The following SIDT1 variants were observed in gnomAD, a reference collection of about 807,000 sequenced individuals.
SIDT1 encodes SID1 transmembrane family, member 1.
SIDT1 carries 101 observed loss-of-function variants against 107.5 expected under a neutral mutation model. That is an observed-to-expected ratio of 0.94 (90% CI 0.80 to 1.11). The LOEUF is 1.11. Ranked by LOEUF, SIDT1 falls within the 50% of genes least tolerant of loss-of-function variation. The pLI is 0.00. For missense variants in SIDT1, 1,076 were observed against 1,058.2 expected, an observed-to-expected ratio of 1.02 and a Z score of -0.23; for synonymous variants, 395 against 398.2, an observed-to-expected ratio of 0.99 and a Z score of 0.10.
intron 3 of SIDT1, among the ~76,000 whole-genome samples, chr3:113,570,345 C>T (rs1004852601): frequency 6.6e-6 from 1 of 152,180 alleles, no homozygotes. Context: ...GAAGCCTTGC[C>T]TTTATCAACT....
At chr3:113,543,395 G>A (rs1227086513) in intron 1 of SIDT1, among the ~76,000 whole-genome samples, 1 of 152,100 alleles carries the variant, frequency 6.6e-6, no homozygotes, top group Non-Finnish European at 1.5e-5. Context: ...TCTTCTCACT[G>A]AGCACTTTTT....
intron 1 of SIDT1, among the ~76,000 whole-genome samples, chr3:113,559,014 G>C (rs1941167814): frequency 6.6e-6 from 1 of 152,114 alleles, no homozygotes; most frequent in South Asian, 2.1e-4. Flanking sequence ...CCACATTTCA[G>C]TTCATTTACT....
intron 1 of SIDT1, among the ~76,000 whole-genome samples, chr3:113,559,814 G>T (rs892072330): frequency 6.6e-6 from 1 of 151,890 alleles, no homozygotes; most frequent in African/African-American, 2.4e-5. Context: ...GCGTTTTAAG[G>T]GTCCTTATAT....
intron 1 of SIDT1, among the ~76,000 whole-genome samples, chr3:113,543,985 A>G (rs1319209743): frequency 6.6e-6 from 1 of 152,218 alleles, no homozygotes; most frequent in Non-Finnish European, 1.5e-5. Flanking sequence ...AGTTATCCAA[A>G]TCACAAAATT....
At chr3:113,570,243 C>T (rs979835177) in intron 3 of SIDT1, among the ~76,000 whole-genome samples, 1 of 152,268 alleles carries the variant, frequency 6.6e-6, no homozygotes, top group Admixed American at 6.5e-5. Context: ...GATATTTATC[C>T]ATATGGGAAT....
At chr3:113,613,571 C>T (rs1183215121) in intron 19 of SIDT1, among the ~76,000 whole-genome samples, 1 of 152,210 alleles carries the variant, frequency 6.6e-6, no homozygotes, top group Non-Finnish European at 1.5e-5. Context: ...GCCAGCATAC[C>T]TCCAAATCCC....
intron 10 of SIDT1, among the ~76,000 whole-genome samples, chr3:113,601,192 T>C (rs1462700031): frequency 1.3e-5 from 2 of 152,218 alleles, no homozygotes; most frequent in African/African-American, 4.8e-5. Flanking sequence ...CATAAAAAAT[T>C]TAAAACATGC....
intron 22 of SIDT1, 33 bp downstream of exon 22, chr3:113,623,565 G>T (rs1408850855): frequency 1.9e-6 from 3 of 1,603,040 alleles, no homozygotes; most frequent in Non-Finnish European, 2.6e-6. Context: ...GCTACCTCGG[G>T]CCCTCGGGCA....
intron 1 of SIDT1, among the ~76,000 whole-genome samples, chr3:113,536,383 T>C (rs183401224): frequency 2.6e-5 from 4 of 152,338 alleles, no homozygotes; most frequent in Non-Finnish European, 4.4e-5. Flanking sequence ...TAAGTCTTTC[T>C]AGCCTGCAGG....
Position 113,566,406 on chromosome 3 carries a change from A to G in SIDT1, c.223-14A>G. 2 of 1,612,120 alleles carry G rather than the reference A, an allele frequency of 1.2e-6. No homozygotes were observed. The highest frequency in any genetic ancestry group is 1.7e-6 in the Non-Finnish European group (2 of 1,178,814). On this transcript the variant is annotated splice_polypyrimidine_tract_variant and intron_variant, in intron 1 of 24. Transcript: ENST00000264852. Reference sequence around the variant, plus strand: ...TGCACGTTTTGCATTACCTCTTTCTACCCTGCCATGCAGGTGACAGCCGTG... The same window carrying G: ...TGCACGTTTTGCATTACCTCTTTCTGCCCTGCCATGCAGGTGACAGCCGTG...
chr3:113,563,950 T>C (rs1941676021), intron 1 of SIDT1, among the ~76,000 whole-genome samples: 2 of 152,126 alleles, frequency 1.3e-5, no homozygotes, highest in Admixed American at 6.5e-5. Context: ...TCTTTTTTTT[T>C]TGTTTTGTTT....
chr3:113,584,593 GAATT>G, intron 7 of SIDT1, 101 bp from the exon 8 acceptor site: 1 of 739,160 alleles, frequency 1.4e-6, no homozygotes, highest in Non-Finnish European at 2.3e-6. Context: ...TCAGTGATCA[GAATT>G]AATTCTGGAC....
At chr3:113,550,970 T>G (rs946195723) in intron 1 of SIDT1, among the ~76,000 whole-genome samples, 2 of 152,212 alleles carry the variant, frequency 1.3e-5, no homozygotes, top group Non-Finnish European at 2.9e-5. Flanking sequence ...TGTGTCCATG[T>G]GTTCTCATCA....
At chr3:113,565,822 A>G (rs1941849963) in intron 1 of SIDT1, among the ~76,000 whole-genome samples, 1 of 152,198 alleles carries the variant, frequency 6.6e-6, no homozygotes, top group Admixed American at 6.5e-5. Context: ...GCTTTAATAA[A>G]ATGTGGTCAT....
chr3:113,611,215 C>T, intron 18 of SIDT1, 71 bp downstream of exon 18: 1 of 1,557,394 alleles, frequency 6.4e-7, no homozygotes, highest in South Asian at 1.2e-5. Context: ...AAACAACAAT[C>T]AAGTGAACGG....
chr3:113,547,588 A>G (rs1393603921), intron 1 of SIDT1, among the ~76,000 whole-genome samples: 3 of 152,254 alleles, frequency 2.0e-5, no homozygotes, highest in Non-Finnish European at 4.4e-5. Context: ...GGCATTTTTC[A>G]GCAAGTTGAA....
Position 113,623,720 on chromosome 3 carries a change from T to TCAGCAGCTGGGA in SIDT1, c.2295_2306dup (p.Trp768_Glu769insAspSerSerTrp). ...GCCCTATATTTTTTCTTCCAGAATC[T>TCAGCAGCTGGGA]CAGCAGCTGGGAGGTAAGAGGCCAG... On this transcript the variant is annotated inframe_insertion, in exon 23 of 25. Coordinates refer to ENST00000264852, the MANE Select transcript of SIDT1 (RefSeq NM_017699.3). The TCAGCAGCTGGGA allele has an allele frequency of 6.2e-7, 1 of 1,613,296 alleles. No individual in the cohort carries two copies. The highest frequency in any genetic ancestry group is 8.5e-7 in the Non-Finnish European group (1 of 1,179,336).
At chr3:113,599,630 G>C (rs1944815396) in intron 10 of SIDT1, among the ~76,000 whole-genome samples, 1 of 152,166 alleles carries the variant, frequency 6.6e-6, no homozygotes, top group African/African-American at 2.4e-5. Flanking sequence ...GAATACACCA[G>C]ACACAGAAAG....
At chr3:113,567,940 T>A (rs1416444924) in intron 3 of SIDT1, 3 of 440,766 alleles carry the variant, frequency 6.8e-6, no homozygotes, top group Non-Finnish European at 1.2e-5. Flanking sequence ...GAATCTGTTT[T>A]CAGGGATCAG....
Sources: allele counts gnomAD v4.1 joint callset (sites outside exome capture counted in the v4.1 genomes callset), GRCh38; gene constraint gnomAD v4.1.1; transcripts MANE v1.5; gene names NCBI Gene and HGNC (gene_info 2026-07-23, HGNC 2026-07-21).